The following CYBRD1 variants were observed in gnomAD, a reference collection of about 807,000 sequenced individuals.
CYBRD1 encodes plasma membrane ascorbate-dependent reductase CYBRD1.
A neutral mutation model predicts 21.9 loss-of-function variants in CYBRD1; 14 were observed. That is an observed-to-expected ratio of 0.64 (90% confidence interval 0.42 to 1.00). The LOEUF (loss-of-function observed/expected upper bound fraction) is 1.00. Ranked by LOEUF, CYBRD1 falls within the 50% of genes least tolerant of loss-of-function variation. CYBRD1 has a pLI of 0.00. For missense variants in CYBRD1, 328 were observed against 352.5 expected (o/e 0.93, Z 0.56); for synonymous variants, 146 against 136.5 (o/e 1.07, Z -0.48).
rs368017472 is a variant in CYBRD1 at position 171,546,722 on chromosome 2, A to G, written c.402+4929A>G. Among the ~76,000 whole-genome samples the G allele has an allele frequency of 3.3e-5, 5 of 152,226 alleles. 1 individual carries two copies. Among genetic ancestry groups the G allele is most frequent in the African/African-American group, 1.2e-4 (5 of 41,544 alleles). On this transcript the variant is annotated intron_variant, in intron 2 of 3. Coordinates refer to ENST00000321348, the MANE Select transcript of CYBRD1 (RefSeq NM_024843.4). ...TGTTCTGGGAGGCCTCTCATATAGTATGTGAGAGCTCTCATATAGGGGATA... is the reference window on the plus strand; with the variant it reads ...TGTTCTGGGAGGCCTCTCATATAGTGTGTGAGAGCTCTCATATAGGGGATA...
intron 1 of CYBRD1, among the ~76,000 whole-genome samples, chr2:171,525,252 T>G (rs991848816): frequency 6.6e-6 from 1 of 152,242 alleles, no homozygotes; most frequent in African/African-American, 2.4e-5. Flanking sequence ...TTGTTTTCTT[T>G]AGGTTCAATT....
intron 1 of CYBRD1, among the ~76,000 whole-genome samples, chr2:171,529,862 G>A (rs921159516): frequency 1.3e-5 from 2 of 152,114 alleles, no homozygotes; most frequent in Admixed American, 1.3e-4. Context: ...GTTGAACAGT[G>A]CCCCCCAAAA....
chr2:171,546,531 A>G (rs2356784), intron 2 of CYBRD1, among the ~76,000 whole-genome samples: 149,727 of 152,302 alleles, frequency 0.98, 73,643 homozygotes, highest in Middle Eastern at 1. Context: ...ATCTATTCAT[A>G]TATTCAGCAG....
rs1683494383 is a variant in CYBRD1, at chr2:171,556,729, C to G, written c.*1902C>G. ...TTGGTAATAGAGCCAGAAGGATCCC[C>G]AGTACCCAGCCCTCTGCCTGGCACA... On this transcript the variant is annotated 3_prime_UTR_variant, in exon 4 of 4. Transcript: ENST00000321348. 2 of 152,208 alleles carry G rather than the reference C, an allele frequency of 1.3e-5. No individual in the cohort carries two copies. The highest frequency in any genetic ancestry group is 4.1e-4 in the South Asian group (2 of 4,826). 9.4% of individuals were successfully genotyped at this position (152,208 alleles called of 1,614,324 possible).
intron 2 of CYBRD1, among the ~76,000 whole-genome samples, chr2:171,549,177 G>A (rs1050243291): frequency 6.6e-6 from 1 of 152,118 alleles, no homozygotes; most frequent in African/African-American, 2.4e-5. Flanking sequence ...TCTGCCTCCT[G>A]GGTTCAAGTG....
intron 1 of CYBRD1, among the ~76,000 whole-genome samples, chr2:171,528,296 G>C (rs1697414228): frequency 6.6e-6 from 1 of 151,938 alleles, no homozygotes; most frequent in Non-Finnish European, 1.5e-5. Flanking sequence ...CGTTGGTCAG[G>C]CTGGTCTTGA....
intron 2 of CYBRD1, among the ~76,000 whole-genome samples, chr2:171,548,086 A>T (rs1346060179): frequency 6.6e-6 from 1 of 151,898 alleles, no homozygotes; most frequent in Non-Finnish European, 1.5e-5. Context: ...CTATGGGCAT[A>T]TTGTAGTTGG....
chr2:171,553,934 T>G (rs1683435902), intron 3 of CYBRD1, among the ~76,000 whole-genome samples: 1 of 151,752 alleles, frequency 6.6e-6, no homozygotes, highest in African/African-American at 2.4e-5. Context: ...AAGCAGAGAG[T>G]TACTGAAAAT....
intron 1 of CYBRD1, among the ~76,000 whole-genome samples, chr2:171,537,465 T>A (rs147525734): frequency 6.6e-6 from 1 of 152,180 alleles, no homozygotes; most frequent in African/African-American, 2.4e-5. Context: ...CTGTAGAAAG[T>A]GCTTTGTGTT....
upstream of CYBRD1, chr2:171,522,267 G>A (rs374715156): frequency 1.3e-6 from 2 of 1,549,336 alleles, no homozygotes; most frequent in Non-Finnish European, 1.7e-6. The surrounding 1 kb of genome is among the most constrained non-coding windows in gnomAD (Gnocchi z 4.3). Context: ...CCCTCTGCGA[G>A]CTTGGATGCT....
chr2:171,554,708 TC>T lies in CYBRD1; in HGVS notation c.744del (p.Met249CysfsTer16), dbSNP rs756732377. The T allele has an allele frequency of 1.9e-6, 3 of 1,614,054 alleles. No homozygotes were observed. Among genetic ancestry groups the T allele is most frequent in the Non-Finnish European group, 2.5e-6 (3 of 1,179,964 alleles). The part of the protein sequence containing the change: ...NGGTEQGARG[S>X]MPAYSGNNMD... ...AGGCACTGAACAGGGAGCAAGAGGT[TC>T]CATGCCAGCCTACTCTGGCAACAAC... On this transcript the variant is annotated frameshift_variant, in exon 4 of 4. Coordinates refer to ENST00000321348, the MANE Select transcript of CYBRD1 (RefSeq NM_024843.4). LOFTEE classifies it low-confidence loss of function (END_TRUNC).
intron 2 of CYBRD1, among the ~76,000 whole-genome samples, chr2:171,550,241 G>T (rs1007746648): frequency 6.6e-6 from 1 of 152,162 alleles, no homozygotes; most frequent in Non-Finnish European, 1.5e-5. Context: ...GAGTAGCTGG[G>T]ACTACAGGCA....
In CYBRD1 at chr2:171,554,552, C is replaced by T; in HGVS notation, c.586C>T (p.Pro196Ser). 1 of 1,613,974 alleles carries T rather than the reference C, an allele frequency of 6.2e-7. No individual in the cohort carries two copies. Among genetic ancestry groups the T allele is most frequent in the Non-Finnish European group, 8.5e-7 (1 of 1,179,928 alleles). ...LRDPAYSTFP[P>S]EGVFVNTLGL... ...AGATCCTGCATACAGTACATTCCCG[C>T]CAGAAGGTGTTTTCGTAAATACGCT... Residue 196 changes from proline (P) to serine (S), a missense_variant, in exon 4 of 4, where the codon CCA (proline) becomes TCA (serine). Transcript: ENST00000321348.
chr2:171,546,848 G>C (rs887917184), intron 2 of CYBRD1, among the ~76,000 whole-genome samples: 9 of 152,248 alleles, frequency 5.9e-5, no homozygotes, highest in African/African-American at 2.2e-4. Context: ...GGAAGAGTTT[G>C]TGGTATTTGA....
Position 171,522,771 on chromosome 2 carries a change from A to C in CYBRD1, c.193+33A>C. The C allele has an allele frequency of 1.9e-6, 3 of 1,612,416 alleles. No homozygotes were observed. The highest frequency in any genetic ancestry group is 2.5e-6 in the Non-Finnish European group (3 of 1,179,490). Reference sequence around the variant, plus strand: ...CACCTCCTGGGGGGGTGCGGGGAGGAAAGCGGGGAGAACGGCGGGGGCAGA... The same window carrying C: ...CACCTCCTGGGGGGGTGCGGGGAGGCAAGCGGGGAGAACGGCGGGGGCAGA... On this transcript the variant is annotated intron_variant, in intron 1 of 3. Transcript: ENST00000321348. This position sits in a 1 kb window ranked among gnomAD's most constrained non-coding sequence, Gnocchi z 4.3.
At chr2:171,548,482 T>C (rs1697750294) in intron 2 of CYBRD1, among the ~76,000 whole-genome samples, 1 of 152,102 alleles carries the variant, frequency 6.6e-6, no homozygotes, top group Non-Finnish European at 1.5e-5. Context: ...TTGTGTAGCA[T>C]TCCCAACACT....
rs1468337193 is a variant in CYBRD1 at position 171,556,281 on chromosome 2, TA to T, written c.*1455del. ...GTCTGCCCTTCCCTGGGGCAATAGC[TA>T]GGGTCTTTCCTGATTTTTATGGAAT... On this transcript the variant is annotated 3_prime_UTR_variant, in exon 4 of 4. Transcript: ENST00000321348. The T allele has an allele frequency of 6.6e-5, 10 of 152,192 alleles. No homozygotes were observed. The highest frequency in any genetic ancestry group is 2.4e-4 in the African/African-American group (10 of 41,512). 9.4% of individuals were successfully genotyped at this position (152,192 alleles called of 1,614,324 possible). A position where few individuals can be genotyped will look rare whatever the true frequency, so the allele number is the denominator to read the frequency against.
chr2:171,533,623 TATAA>T (rs1697502642), intron 1 of CYBRD1, among the ~76,000 whole-genome samples: 1 of 152,244 alleles, frequency 6.6e-6, no homozygotes, highest in African/African-American at 2.4e-5. Flanking sequence ...AACTTGTGTA[TATAA>T]ATAGTTTTGT....
In CYBRD1 at chr2:171,531,001, A is replaced by G. The variant is rs146527326; in HGVS notation, c.193+8263A>G. On this transcript the variant is annotated intron_variant, in intron 1 of 3. Transcript: ENST00000321348. ...ACCCCATCTCTACAAAAAAAAATACAAAAATTAGCCAGGCGTGCTGGTGTG... is the reference window on the plus strand; with the variant it reads ...ACCCCATCTCTACAAAAAAAAATACGAAAATTAGCCAGGCGTGCTGGTGTG... Among the ~76,000 whole-genome samples, 491 of 152,122 alleles carry G rather than the reference A, an allele frequency of 3.2e-3. 3 individuals are homozygous for G. Among genetic ancestry groups the G allele is most frequent in the African/African-American group, 0.01 (420 of 41,510 alleles).
Sources: gnomAD v4.1 joint callset for allele counts (sites outside exome capture counted in the v4.1 genomes callset) on GRCh38, gnomAD v4.1.1 for gene constraint, Gnocchi (gnomAD v3.1) non-coding constraint, MANE v1.5 for transcripts, NCBI Gene and HGNC (gene_info 2026-07-23, HGNC 2026-07-21) for gene names.